The following DNAH5 variants were observed in gnomAD, a reference collection of about 807,000 sequenced individuals.
DNAH5 encodes axonemal beta dynein heavy chain 5.
DNAH5 carries 372 observed loss-of-function variants against 518.2 expected under a neutral mutation model. The ratio of observed to expected loss-of-function variants is 0.72; its 90% confidence interval spans 0.66 to 0.78. The LOEUF is 0.78. Ranked by LOEUF, DNAH5 falls within the 30% of genes least tolerant of loss-of-function variation. DNAH5 has a pLI of 0.00. For synonymous variants in DNAH5, 2,039 were observed against 2,025.9 expected (o/e 1.01, Z -0.17); for missense variants, 5,523 against 5,687.0 (o/e 0.97, Z 0.93).
chr5:13,895,720 A>T (rs76910705), intron 15 of DNAH5, among the ~76,000 whole-genome samples: 3,513 of 152,022 alleles, frequency 0.023, 160 homozygotes, highest in African/African-American at 0.08. Flanking sequence ...CCCAGATCTC[A>T]CTCCTGAAAG....
At chr5:13,827,840 G>A (rs1763094672) in intron 38 of DNAH5, among the ~76,000 whole-genome samples, 2 of 152,160 alleles carry the variant, frequency 1.3e-5, no homozygotes, top group Non-Finnish European at 2.9e-5. Context: ...TCATGATAGT[G>A]AGTTCTCATG....
At chr5:13,948,687 A>G (rs1344552058), upstream of DNAH5, among the ~76,000 whole-genome samples, 2 of 152,208 alleles carry the variant, frequency 1.3e-5, no homozygotes, top group Non-Finnish European at 2.9e-5. Context: ...GTGGGCGTCA[A>G]TCTAAGGTAG....
At chr5:13,967,932 T>C (rs1335138081) in intron 1 of DNAH5, among the ~76,000 whole-genome samples, 1 of 152,216 alleles carries the variant, frequency 6.6e-6, no homozygotes, top group Non-Finnish European at 1.5e-5. Flanking sequence ...CAATACTGAT[T>C]CTACCCATCC....
chr5:13,755,532 C>T (rs1750879761), intron 61 of DNAH5, among the ~76,000 whole-genome samples: 2 of 152,082 alleles, frequency 1.3e-5, no homozygotes, highest in East Asian at 1.9e-4. Context: ...CCAGGGTTAC[C>T]TGTATTTTGT....
At chr5:13,787,356 T>C (rs903635316) in intron 51 of DNAH5, among the ~76,000 whole-genome samples, 1 of 152,066 alleles carries the variant, frequency 6.6e-6, no homozygotes, top group African/African-American at 2.4e-5. Context: ...GAAGAATGAG[T>C]GGGTCTTTCT....
chr5:13,777,470 C>T (rs943989784), intron 53 of DNAH5, 115 bp from the exon 54 acceptor site: 6 of 815,732 alleles, frequency 7.4e-6, no homozygotes, highest in African/African-American at 3.4e-5. Flanking sequence ...TTTGTTCTAT[C>T]GTATACGTAT....
At chr5:13,860,830 T>C (rs923662673) in intron 29 of DNAH5, among the ~76,000 whole-genome samples, 5 of 152,356 alleles carry the variant, frequency 3.3e-5, no homozygotes, top group Admixed American at 3.3e-4. Context: ...TTCTCTTTCT[T>C]ATCCCTTCAT....
chr5:13,718,824 T>A, intron 72 of DNAH5, 58 bp downstream of exon 72: 13 of 1,431,560 alleles, frequency 9.1e-6, no homozygotes, highest in Admixed American at 1.7e-5. Context: ...ATAATTTTTT[T>A]AGGAAAACAA....
At position 13,884,991 on chromosome 5, in the gene DNAH5, C is replaced by T. The variant is rs757970115; in HGVS notation, c.2981G>A (p.Arg994Gln). The change falls in exon 19 of 79, where the codon CGG becomes CAG. Residue 994 changes from arginine (R) to glutamine (Q), a missense_variant and splice_region_variant. Coordinates refer to ENST00000265104, the MANE Select transcript of DNAH5 (RefSeq NM_001369.3). The part of the protein sequence containing the change: ...RIHSSHTINF[R>Q]DSNSASNMKQ... ...AGCAAACCACACAAGATTATTACCC[C>T]GGAAGTTAATTGTGTGAGAGGAATG... The T allele has an allele frequency of 2.4e-5, 38 of 1,614,028 alleles. No individual in the cohort carries two copies. Among genetic ancestry groups the T allele is most frequent in the South Asian group, 3.3e-5 (3 of 91,070 alleles).
intron 38 of DNAH5, among the ~76,000 whole-genome samples, chr5:13,827,431 G>A (rs2151830536): frequency 7.1e-6 from 1 of 140,784 alleles, no homozygotes; most frequent in East Asian, 2.3e-4. Context: ...TCCCCCTGCT[G>A]TGTGTAGGCA....
intron 66 of DNAH5, among the ~76,000 whole-genome samples, chr5:13,736,726 C>T (rs1331391099): frequency 6.6e-6 from 1 of 151,948 alleles, no homozygotes; most frequent in Admixed American, 6.6e-5. Context: ...CATGCCCGGC[C>T]GATTATTTGT....
At chr5:13,962,433 T>C (rs339435) in intron 1 of DNAH5, among the ~76,000 whole-genome samples, 4,838 of 152,298 alleles carry the variant, frequency 0.032, 249 homozygotes, top group African/African-American at 0.11. Context: ...CTTTGTTTTC[T>C]AAAGGTTCTT....
At chr5:14,002,638 T>C (rs61593838) in intron 1 of DNAH5, among the ~76,000 whole-genome samples, 3,951 of 72,870 alleles carry the variant, frequency 0.054, 129 homozygotes, top group East Asian at 0.48. Context: ...AATACACAGA[T>C]ACATACACAC....
At chr5:13,746,427 C>A (rs1041747336) in intron 65 of DNAH5, among the ~76,000 whole-genome samples, 1 of 152,070 alleles carries the variant, frequency 6.6e-6, no homozygotes, top group African/African-American at 2.4e-5. Flanking sequence ...AGGGTGATAT[C>A]TGAATGCATG....
chr5:14,005,032 C>T (rs890230413), intron 1 of DNAH5, among the ~76,000 whole-genome samples: 2 of 152,118 alleles, frequency 1.3e-5, no homozygotes, highest in Non-Finnish European at 2.9e-5. Context: ...ACTCAGCACA[C>T]GAGCCTCTTC....
At chr5:13,928,033 A>G in intron 3 of DNAH5, 61 bp downstream of exon 3, 4 of 1,436,134 alleles carry the variant, frequency 2.8e-6, no homozygotes, top group Non-Finnish European at 3.9e-6. Flanking sequence ...TTCTTCTTCA[A>G]GCTACCCTCA....
At chr5:13,751,310 C>A in intron 64 of DNAH5, 50 bp from the exon 65 acceptor site, 1 of 1,469,154 alleles carries the variant, frequency 6.8e-7, no homozygotes, top group Non-Finnish European at 9.3e-7. Flanking sequence ...ATATACCTTA[C>A]TGTGTCTTTT....
rs1427447931 is a variant in DNAH5 at position 13,817,667 on chromosome 5, C to G, written c.6869G>C (p.Arg2290Thr). Residue 2290 changes from arginine (R) to threonine (T), a missense_variant, in exon 42 of 79, where the codon AGG (arginine) becomes ACG (threonine). By Grantham distance (71) the Arg-to-Thr change is moderately conservative. Around this residue, in one of 3 missense-constraint regions of DNAH5, gnomAD observed 5,121 missense variants for 5,223.3 expected, o/e 0.98. Coordinates refer to ENST00000265104, the MANE Select transcript of DNAH5 (RefSeq NM_001369.3). ...GGCAGTAATCGCTTTGGGATTCATC[C>G]TCATTTCCCGATGTGGTTTTCCACA... ...TDCGKPHREM[R>T]MNPKAITAPQ... 1.9e-6 allele frequency: 3 copies of G among 1,614,054 alleles called. No individual in the cohort carries two copies. In the African/African-American group the frequency reaches 4.0e-5, roughly 22 times the overall value.
chr5:13,874,047 C>G (rs1308134699), intron 22 of DNAH5, among the ~76,000 whole-genome samples: 1 of 152,160 alleles, frequency 6.6e-6, no homozygotes, highest in Admixed American at 6.5e-5. Context: ...GCTAAAATGT[C>G]CCTCCGAGCC....
Sources: allele counts gnomAD v4.1 joint callset (sites outside exome capture counted in the v4.1 genomes callset), GRCh38; gene constraint gnomAD v4.1.1; regional missense constraint gnomAD v4.1.1; transcripts MANE v1.5; gene names NCBI Gene and HGNC (gene_info 2026-07-23, HGNC 2026-07-21).